Variants in PAPLN observed in about 807,000 individuals in gnomAD.
The protein encoded by PAPLN is papilin, proteoglycan like sulfated glycoprotein.
A neutral mutation model predicts 159.0 loss-of-function variants in PAPLN; 146 were observed. The observed-to-expected ratio is 0.92, with a 90% confidence interval of 0.80 to 1.05. PAPLN has a LOEUF of 1.05. Ranked by LOEUF, PAPLN falls within the 50% of genes least tolerant of loss-of-function variation. PAPLN has a pLI of 0.00. For synonymous variants in PAPLN, 734 were observed against 702.9 expected (o/e 1.04, Z -0.70); for missense variants, 1,720 against 1,743.9 (o/e 0.99, Z 0.24).
rs1886960467 is a variant in PAPLN, at chr14:73,264,202, C to T, written c.2862-9C>T. 1.2e-6 allele frequency: 2 copies of T among 1,613,392 alleles called. No individual in the cohort carries two copies. The highest frequency in any genetic ancestry group is 1.3e-5 in the African/African-American group (1 of 74,912). On this transcript the variant is annotated splice_polypyrimidine_tract_variant and intron_variant, in intron 20 of 26. Transcript: ENST00000644200. The stretch of plus-strand genomic sequence containing the variant: ...CAGAGCTCATGTCCTCCCACACCAC[C>T]CCACTCAGGCACAGGCTGCAGTTCG...
At chr14:73,256,532 C>CCAAA (rs1211549829) in intron 14 of PAPLN, among the ~76,000 whole-genome samples, 4 of 92,758 alleles carry the variant, frequency 4.3e-5, no homozygotes, top group African/African-American at 1.7e-4. Flanking sequence ...GACTCTGTCT[C>CCAAA]AAAAAAAAAA....
chr14:73,237,784 C>A (rs923827070), intron 1 of PAPLN, among the ~76,000 whole-genome samples, 192 bp downstream of exon 1: 1 of 152,020 alleles, frequency 6.6e-6, no homozygotes, highest in Non-Finnish European at 1.5e-5. Flanking sequence ...GCACCGCGCG[C>A]CCCCCGGCCT....
intron 26 of PAPLN, among the ~76,000 whole-genome samples, chr14:73,269,997 C>T (rs1887564348): frequency 2.0e-5 from 3 of 152,192 alleles, no homozygotes; most frequent in Admixed American, 2.0e-4. Context: ...CTTTAGAGAT[C>T]GCCTCCCCAG....
intron 23 of PAPLN, among the ~76,000 whole-genome samples, chr14:73,266,165 C>G (rs1443855283): frequency 1.3e-5 from 2 of 152,110 alleles, no homozygotes; most frequent in Non-Finnish European, 2.9e-5. Context: ...ATGCTGAAAC[C>G]CCATCTCTAC....
intron 26 of PAPLN, chr14:73,272,234 G>A: frequency 5.6e-6 from 2 of 354,068 alleles, no homozygotes; most frequent in Non-Finnish European, 1.0e-5. Flanking sequence ...GGGAGTCTAG[G>A]AAGAGCTATT....
rs80314819 is a variant in PAPLN, at chr14:73,262,079, C to T, written c.2246-271C>T. Reference sequence around the variant, plus strand: ...GGGAAGGCCAAAGGTCCAAGGGAGCCGGCCCAGGGAGCCCTGGCCCTGACC... The same window carrying T: ...GGGAAGGCCAAAGGTCCAAGGGAGCTGGCCCAGGGAGCCCTGGCCCTGACC... On this transcript the variant is annotated intron_variant, in intron 18 of 26. Transcript: ENST00000644200. 2,587 of 414,460 alleles carry T rather than the reference C, an allele frequency of 6.2e-3. 11 individuals are homozygous for T. The highest frequency in any genetic ancestry group is 9.5e-3 in the Non-Finnish European group (2,236 of 234,200). 25.7% of individuals were successfully genotyped at this position (414,460 alleles called of 1,614,324 possible).
At chr14:73,250,676 G>A (rs1489474029) in intron 6 of PAPLN, among the ~76,000 whole-genome samples, 1 of 152,144 alleles carries the variant, frequency 6.6e-6, no homozygotes. Flanking sequence ...GCGGGAGAGA[G>A]GTGGCCCCTC....
At position 73,248,102 on chromosome 14, in the gene PAPLN, T is replaced by C. The variant is rs926145911; in HGVS notation, c.335-1882T>C. 4.1e-4 allele frequency among the ~76,000 whole-genome samples: 44 copies of C among 108,598 alleles called. 2 individuals are homozygous for C. In the East Asian group the frequency reaches 9.5e-3, roughly 24 times the overall value. 71.2% of individuals were successfully genotyped at this position (108,598 alleles called of 152,430 possible). A position where few individuals can be genotyped will look rare whatever the true frequency, so the allele number is the denominator to read the frequency against. Reference sequence around the variant, plus strand: ...GTGTGTGTGTGTGTGTGTGTGTGTGTGTGTGCGCGTGTGTGTGTTGTGGGG... The same window carrying C: ...GTGTGTGTGTGTGTGTGTGTGTGTGCGTGTGCGCGTGTGTGTGTTGTGGGG... On this transcript the variant is annotated intron_variant, in intron 5 of 26. Coordinates refer to ENST00000644200, the MANE Select transcript of PAPLN (RefSeq NM_001365906.3).
Position 73,265,286 on chromosome 14 carries a change from C to T in PAPLN, c.3126-84C>T. ...ATCTGGCTGGAGAGGGAGAAGGGGCCACCAGGCTTGTGCAGAGGTGCCCAT... is the reference window on the plus strand; with the variant it reads ...ATCTGGCTGGAGAGGGAGAAGGGGCTACCAGGCTTGTGCAGAGGTGCCCAT... On this transcript the variant is annotated intron_variant, in intron 22 of 26. Coordinates refer to ENST00000644200, the MANE Select transcript of PAPLN (RefSeq NM_001365906.3). The surrounding 1 kb of genome is among the most constrained non-coding windows in gnomAD (Gnocchi z 4.1). 1.3e-6 allele frequency: 2 copies of T among 1,536,396 alleles called. No homozygotes were observed. The highest frequency in any genetic ancestry group is 1.7e-6 in the Non-Finnish European group (2 of 1,146,242).
In PAPLN at chr14:73,251,813, A is replaced by T; in HGVS notation, c.820A>T (p.Thr274Ser). 1 of 1,595,958 alleles carries T rather than the reference A, an allele frequency of 6.3e-7. No individual in the cohort carries two copies. The highest frequency in any genetic ancestry group is 8.5e-7 in the Non-Finnish European group (1 of 1,174,050). ...APERLHARGP[T>S]SEPLVIELIS... ...TGAGCGACTCCATGCCCGGGGCCCC[A>T]CCTCGGAGCCCCTGGTCATCGAGGT... The change falls in exon 9 of 27, where the codon ACC (threonine) becomes TCC (serine). Residue 274 changes from threonine (T) to serine (S), a missense_variant. Coordinates refer to ENST00000644200, the MANE Select transcript of PAPLN (RefSeq NM_001365906.3).
In PAPLN at chr14:73,271,499, T is replaced by A. The variant is rs1481591691; in HGVS notation, c.3668-996T>A. On this transcript the variant is annotated intron_variant, in intron 26 of 26. Transcript: ENST00000644200. ...CCAGAAGAGAGATGAAGCAGTAGAA[T>A]GAAATTTTTTTTTTTTTTTTAAGAC... Among the ~76,000 whole-genome samples, 4 of 147,112 alleles carry A rather than the reference T, an allele frequency of 2.7e-5. No individual in the cohort carries two copies. The East Asian group carries it at 8.2e-4, about 30-fold the overall frequency.
intron 2 of PAPLN, 40 bp from the exon 3 acceptor site, chr14:73,244,604 G>C: frequency 6.6e-7 from 1 of 1,505,554 alleles, no homozygotes; most frequent in Non-Finnish European, 9.1e-7. Flanking sequence ...GGCTCAGGCT[G>C]TGAGTGGGCA....
chr14:73,256,846 G>A (rs1885967460), intron 14 of PAPLN, among the ~76,000 whole-genome samples: 1 of 151,884 alleles, frequency 6.6e-6, no homozygotes, highest in Admixed American at 6.6e-5. Flanking sequence ...TCGCAACCCT[G>A]TAACTCCAGC....
Position 73,246,088 on chromosome 14 carries a change from G to GC in PAPLN, c.250dup (p.Arg84ProfsTer34), listed in dbSNP as rs764928531. ...CGCCCCGCAGAGCTGCCCCGACGGC[G>GC]CCCGGGACTTCCGGGCCGAGCAGTG... is the stretch of plus-strand genomic sequence containing the variant. On this transcript the variant is annotated frameshift_variant, in exon 5 of 27. Coordinates refer to ENST00000644200, the MANE Select transcript of PAPLN (RefSeq NM_001365906.3). LOFTEE classifies it high-confidence loss of function. The GC allele has an allele frequency of 1.9e-6, 3 of 1,567,646 alleles. No homozygotes were observed. In the South Asian group the frequency reaches 3.5e-5, roughly 18 times the overall value.
intron 12 of PAPLN, 41 bp downstream of exon 12, chr14:73,254,002 GT>G: frequency 6.4e-7 from 1 of 1,572,870 alleles, no homozygotes. Flanking sequence ...CTGGACCTGG[GT>G]AGCAGCAGGG....
In PAPLN at chr14:73,245,986, C is replaced by A; in HGVS notation, c.232-87C>A. On this transcript the variant is annotated intron_variant, in intron 4 of 26. Coordinates refer to ENST00000644200, the MANE Select transcript of PAPLN (RefSeq NM_001365906.3). The surrounding 1 kb of genome is among the most constrained non-coding windows in gnomAD (Gnocchi z 4.2). ...CCGATGGGGCAGGCAAGGGAGACTC[C>A]TGGGCTCCCTGGGCTCGGGCGGGGC... 7.5e-7 allele frequency: 1 copy of A among 1,324,818 alleles called. No individual in the cohort carries two copies. Among genetic ancestry groups the A allele is most frequent in the Non-Finnish European group, 1.0e-6 (1 of 995,404 alleles). 82.1% of individuals were successfully genotyped at this position (1,324,818 alleles called of 1,614,324 possible).
chr14:73,272,750 G>C lies in PAPLN; in HGVS notation c.*86G>C, dbSNP rs1422458942. On this transcript the variant is annotated 3_prime_UTR_variant, in exon 27 of 27. Coordinates refer to ENST00000644200, the MANE Select transcript of PAPLN (RefSeq NM_001365906.3). ...ATGGACTCTTGGCTTCCTCTCTCTG[G>C]CTGGCAAAGGGAGTTATCTTCTGGA... 7.4e-7 allele frequency: 1 copy of C among 1,354,182 alleles called. No homozygotes were observed. Among genetic ancestry groups the C allele is most frequent in the African/African-American group, 1.5e-5 (1 of 68,798 alleles). 83.9% of individuals were successfully genotyped at this position (1,354,182 alleles called of 1,614,324 possible).
Position 73,265,832 on chromosome 14 carries a change from G to A in PAPLN, c.3263+325G>A, listed in dbSNP as rs1887160265. ...CCTTTACTGAGCAGGCACTGAGTATGAGGCTTGTGCTCTATCACGTGACCT... is the reference window on the plus strand; with the variant it reads ...CCTTTACTGAGCAGGCACTGAGTATAAGGCTTGTGCTCTATCACGTGACCT... On this transcript the variant is annotated intron_variant, in intron 23 of 26. Transcript: ENST00000644200. This position sits in a 1 kb window ranked among gnomAD's most constrained non-coding sequence, Gnocchi z 4.1. Among the ~76,000 whole-genome samples, 1 of 152,194 alleles carries A rather than the reference G, an allele frequency of 6.6e-6. No homozygotes were observed. The highest frequency in any genetic ancestry group is 2.4e-5 in the African/African-American group (1 of 41,446).
chr14:73,265,531 C>T lies in PAPLN; in HGVS notation c.3263+24C>T. ...AGGTTTATTTGACTCCTCTCCCCTT[C>T]CTCCTATTCTGCCTCCAGCCCCACC... is the stretch of plus-strand genomic sequence containing the variant. On this transcript the variant is annotated intron_variant, in intron 23 of 26. Coordinates refer to ENST00000644200, the MANE Select transcript of PAPLN (RefSeq NM_001365906.3). This position sits in a 1 kb window ranked among gnomAD's most constrained non-coding sequence, Gnocchi z 4.1. The T allele has an allele frequency of 6.2e-6, 10 of 1,609,852 alleles. No individual in the cohort carries two copies. Among genetic ancestry groups the T allele is most frequent in the South Asian group, 1.1e-5 (1 of 90,508 alleles).
Sources: allele counts gnomAD v4.1 joint callset (sites outside exome capture counted in the v4.1 genomes callset), GRCh38; gene constraint gnomAD v4.1.1; non-coding constraint Gnocchi (gnomAD v3.1); transcripts MANE v1.5; gene names NCBI Gene and HGNC (gene_info 2026-07-23, HGNC 2026-07-21).